The following VEGFC variants were observed in gnomAD, a reference collection of about 807,000 sequenced individuals.
VEGFC encodes the protein FLT4 ligand DHM.
A neutral mutation model predicts 46.1 loss-of-function variants in VEGFC; 12 were observed. The ratio of observed to expected loss-of-function variants is 0.26; its 90% CI spans 0.17 to 0.42. The LOEUF is 0.42. Among genes scored for constraint, VEGFC ranks in the 10% least tolerant of loss-of-function variants. VEGFC has a pLI of 1.00. For missense variants in VEGFC, 488 were observed against 529.4 expected (o/e 0.92, Z 0.77); for synonymous variants, 232 against 195.5 (o/e 1.19, Z -1.56).
chr4:176,712,134 C>A (rs1023515079), intron 3 of VEGFC, among the ~76,000 whole-genome samples: 1 of 152,054 alleles, frequency 6.6e-6, no homozygotes, highest in Non-Finnish European at 1.5e-5. Context: ...ACGTAAGTTA[C>A]ATAGATGTAA....
At chr4:176,684,570 A>G (rs1734004311) in intron 6 of VEGFC, among the ~76,000 whole-genome samples, 1 of 152,164 alleles carries the variant, frequency 6.6e-6, no homozygotes, top group South Asian at 2.1e-4. Flanking sequence ...CCTTGGCTCC[A>G]GGTGAAACAG....
In VEGFC at chr4:176,729,593, A is replaced by G; in HGVS notation, c.301T>C (p.Ser101Pro). Residue 101 changes from serine to proline, a missense_variant, in exon 2 of 7, where the codon TCA (serine) becomes CCA (proline). Coordinates refer to ENST00000618562, the MANE Select transcript of VEGFC (RefSeq NM_005429.5). ...QHNREQANLNSRTEETIKFAA... is the reference protein window; with the variant it reads ...QHNREQANLNPRTEETIKFAA... ...AATTTTATAGTCTCTTCTGTCCTTGAGTTGAGGTTGGCCTGTTCTCTGTTA... is the reference window on the plus strand; with the variant it reads ...AATTTTATAGTCTCTTCTGTCCTTGGGTTGAGGTTGGCCTGTTCTCTGTTA... 1.2e-6 allele frequency: 2 copies of G among 1,613,834 alleles called. No individual in the cohort carries two copies. Among genetic ancestry groups the G allele is most frequent in the Non-Finnish European group, 1.7e-6 (2 of 1,179,912 alleles).
chr4:176,707,744 C>A (rs1161054821), intron 4 of VEGFC, among the ~76,000 whole-genome samples: 1 of 152,050 alleles, frequency 6.6e-6, no homozygotes, highest in East Asian at 1.9e-4. Flanking sequence ...ACGGAACACA[C>A]CCCAAGTGTT....
At chr4:176,717,013 G>A (rs374237891) in intron 3 of VEGFC, among the ~76,000 whole-genome samples, 1 of 152,094 alleles carries the variant, frequency 6.6e-6, no homozygotes, top group East Asian at 1.9e-4. Context: ...AGTAAATACT[G>A]ATTGATGATG....
chr4:176,737,868 A>G (rs1735082704), intron 1 of VEGFC, among the ~76,000 whole-genome samples: 1 of 151,956 alleles, frequency 6.6e-6, no homozygotes, highest in African/African-American at 2.4e-5. Context: ...ATGTCTTGCA[A>G]ATGAGAGATA....
chr4:176,718,722 T>G (rs1734734553), intron 3 of VEGFC, among the ~76,000 whole-genome samples: 1 of 152,136 alleles, frequency 6.6e-6, no homozygotes, highest in South Asian at 2.1e-4. Flanking sequence ...CCCACCATTT[T>G]CAGGAAGACT....
At chr4:176,756,619 A>C (rs1735437174) in intron 1 of VEGFC, among the ~76,000 whole-genome samples, 1 of 151,896 alleles carries the variant, frequency 6.6e-6, no homozygotes, top group African/African-American at 2.4e-5. Flanking sequence ...AAAAAAACGT[A>C]CTCCAATTCT....
chr4:176,771,912 T>C (rs1450369806), intron 1 of VEGFC, among the ~76,000 whole-genome samples: 1 of 152,186 alleles, frequency 6.6e-6, no homozygotes, highest in African/African-American at 2.4e-5. Context: ...TGAAAATAGC[T>C]GATCCCCCAA....
chr4:176,741,227 A>C (rs1388721447), intron 1 of VEGFC, among the ~76,000 whole-genome samples: 4 of 151,948 alleles, frequency 2.6e-5, no homozygotes, highest in African/African-American at 7.2e-5. Flanking sequence ...TGCAGCATGG[A>C]AACATTTTTA....
intron 1 of VEGFC, among the ~76,000 whole-genome samples, chr4:176,759,729 T>C (rs536605487): frequency 2.5e-5 from 2 of 80,198 alleles, no homozygotes; most frequent in East Asian, 1.3e-3. Context: ...ATTTCTCATT[T>C]TTAAAAAGTA....
rs866870659 is a variant in VEGFC at position 176,683,997 on chromosome 4, G to T, written c.1189C>A (p.Pro397Thr). 6.2e-7 allele frequency: 1 copy of T among 1,614,044 alleles called. No individual in the cohort carries two copies. Among genetic ancestry groups the T allele is most frequent in the Non-Finnish European group, 8.5e-7 (1 of 1,180,034 alleles). ...PCTNRQKACE[P>T]GFSYSEEVCR... ...ACTTCTTCACTATATGAAAATCCTG[G>T]CTCACAAGCCTTCTGGCGGTTCGTA... is the stretch of plus-strand genomic sequence containing the variant. The change falls in exon 7 of 7, where the codon CCA becomes ACA. Residue 397 changes from proline (P) to threonine (T), a missense_variant. Pro to Thr is a conservative substitution (Grantham distance 38). Coordinates refer to ENST00000618562, the MANE Select transcript of VEGFC (RefSeq NM_005429.5).
At chr4:176,776,545 T>C (rs1312136716) in intron 1 of VEGFC, among the ~76,000 whole-genome samples, 2 of 152,110 alleles carry the variant, frequency 1.3e-5, no homozygotes, top group Non-Finnish European at 2.9e-5. Context: ...TCACAATGAG[T>C]AGAAGCAGCA....
At chr4:176,774,241 G>T (rs1191915816) in intron 1 of VEGFC, among the ~76,000 whole-genome samples, 2 of 144,226 alleles carry the variant, frequency 1.4e-5, no homozygotes, top group Admixed American at 1.5e-4. Flanking sequence ...TATTAATTTA[G>T]CAGATAATTT....
intron 1 of VEGFC, among the ~76,000 whole-genome samples, chr4:176,766,586 C>CA (rs34010850): frequency 0.033 from 4,580 of 137,376 alleles, 178 homozygotes; most frequent in African/African-American, 0.1. Flanking sequence ...CACTCTGTCT[C>CA]AAAAAAAAAA....
chr4:176,767,782 T>C (rs1434250234), intron 1 of VEGFC, among the ~76,000 whole-genome samples: 1 of 152,086 alleles, frequency 6.6e-6, no homozygotes, highest in Non-Finnish European at 1.5e-5. Context: ...TAATGTGACT[T>C]ACATCCTAAA....
At chr4:176,702,385 C>G (rs969218948) in intron 4 of VEGFC, among the ~76,000 whole-genome samples, 2 of 152,040 alleles carry the variant, frequency 1.3e-5, no homozygotes, top group African/African-American at 4.8e-5. Context: ...AGGCGACTGT[C>G]TTCCAAATTG....
Position 176,711,585 on chromosome 4 carries a change from G to C in VEGFC, c.618C>G (p.His206Gln). Residue 206 changes from histidine to glutamine, a missense_variant, in exon 4 of 7, where the codon CAC (histidine) becomes CAG (glutamine). Coordinates refer to ENST00000618562, the MANE Select transcript of VEGFC (RefSeq NM_005429.5). Reference protein sequence around the residue: ...PKPVTISFANHTSCRCMSKLD... With the variant: ...PKPVTISFANQTSCRCMSKLD... ...GTTTAGACATGCATCGGCAGGAAGT[G>C]TGATTGGCAAAACTGATTGTTACTG... 1 of 1,613,810 alleles carries C rather than the reference G, an allele frequency of 6.2e-7. No homozygotes were observed. Among genetic ancestry groups the C allele is most frequent in the Non-Finnish European group, 8.5e-7 (1 of 1,179,784 alleles).
intron 1 of VEGFC, among the ~76,000 whole-genome samples, chr4:176,779,743 A>G (rs1329236555): frequency 2.7e-5 from 4 of 149,524 alleles, no homozygotes; most frequent in African/African-American, 9.9e-5. Flanking sequence ...CCAGATAGGA[A>G]AAAAAAAAAG....
intron 3 of VEGFC, 23 bp from the exon 4 acceptor site, chr4:176,711,673 AG>A: frequency 6.2e-7 from 1 of 1,610,378 alleles, no homozygotes; most frequent in Non-Finnish European, 8.5e-7. Flanking sequence ...GACAAAAAGA[AG>A]AAAAAATTAT....
Sources: gnomAD v4.1 joint callset for allele counts (sites outside exome capture counted in the v4.1 genomes callset) on GRCh38, gnomAD v4.1.1 for gene constraint, MANE v1.5 for transcripts, NCBI Gene and HGNC (gene_info 2026-07-23, HGNC 2026-07-21) for gene names.